The following PRKCE variants were observed in gnomAD, a reference collection of about 807,000 sequenced individuals.
PRKCE encodes the protein protein kinase C epsilon type.
PRKCE carries 16 observed loss-of-function variants against 85.4 expected under a neutral mutation model. That is an observed-to-expected ratio of 0.19 (90% CI 0.13 to 0.28). The LOEUF (loss-of-function observed/expected upper bound fraction) is 0.28, where lower values mean the gene tolerates loss of function less well. Ranked by LOEUF, PRKCE falls within the 10% of genes least tolerant of loss-of-function variation. The pLI, the probability that PRKCE is intolerant of heterozygous loss-of-function variation, is 1.00. For synonymous variants in PRKCE, 388 were observed against 371.5 expected, an observed-to-expected ratio of 1.04 and a Z score of -0.51; for missense variants, 573 against 975.2, an observed-to-expected ratio of 0.59 and a Z score of 5.49.
chr2:46,072,749 T>C (rs898974747), intron 10 of PRKCE, among the ~76,000 whole-genome samples: 1 of 152,136 alleles, frequency 6.6e-6, no homozygotes, highest in African/African-American at 2.4e-5. Flanking sequence ...GGGAACTCCA[T>C]GAGATACCTC....
intron 14 of PRKCE, among the ~76,000 whole-genome samples, chr2:46,177,305 G>T (rs570732450): frequency 7.5e-4 from 114 of 152,238 alleles, no homozygotes; most frequent in Non-Finnish European, 1.3e-3. Flanking sequence ...AAATAAGATT[G>T]GAGTTTGTAT....
intron 1 of PRKCE, among the ~76,000 whole-genome samples, chr2:45,718,594 G>A (rs1680353053): frequency 6.6e-6 from 1 of 151,868 alleles, no homozygotes; most frequent in South Asian, 2.1e-4. Flanking sequence ...GGCCCACCTC[G>A]GCCTCCCAAA....
At position 45,919,020 on chromosome 2, in the gene PRKCE, G is replaced by GA. The variant is rs371585201; in HGVS notation, c.413-57408dup. Among the ~76,000 whole-genome samples, 200 of 152,330 alleles carry GA rather than the reference G, an allele frequency of 1.3e-3. 1 individual carries two copies. The highest frequency in any genetic ancestry group is 1.7e-3 in the Non-Finnish European group (115 of 68,026). Reference sequence around the variant, plus strand: ...CAGCTGGGATGGACAGCCACCTGGAGAGGGTGTCAGAACAGTTAGGCTGGA... The same window carrying GA: ...CAGCTGGGATGGACAGCCACCTGGAGAAGGGTGTCAGAACAGTTAGGCTGGA... On this transcript the variant is annotated intron_variant, in intron 2 of 14. Coordinates refer to ENST00000306156, the MANE Select transcript of PRKCE (RefSeq NM_005400.3).
At chr2:45,751,904 G>A (rs938457691) in intron 1 of PRKCE, among the ~76,000 whole-genome samples, 8 of 129,420 alleles carry the variant, frequency 6.2e-5, no homozygotes, top group Non-Finnish European at 1.2e-4. Context: ...TGCAAGCTCC[G>A]CCTCCCGGGT....
intron 2 of PRKCE, among the ~76,000 whole-genome samples, chr2:45,875,076 C>T (rs1694373401): frequency 6.6e-6 from 1 of 152,132 alleles, no homozygotes; most frequent in South Asian, 2.1e-4. Context: ...CAGGTGCCTC[C>T]AGTCTCCACA....
intron 2 of PRKCE, among the ~76,000 whole-genome samples, chr2:45,882,156 A>G (rs957903330): frequency 1.4e-4 from 22 of 152,188 alleles, no homozygotes; most frequent in Non-Finnish European, 1.5e-5. Context: ...TTTCCTTCCG[A>G]TATCATGATG....
intron 10 of PRKCE, among the ~76,000 whole-genome samples, chr2:46,052,823 G>C (rs1376283949): frequency 6.6e-6 from 1 of 152,180 alleles, no homozygotes. Flanking sequence ...CAACAGAACA[G>C]AGTTGAGAGT....
intron 10 of PRKCE, among the ~76,000 whole-genome samples, chr2:46,085,443 G>A (rs572544793): frequency 1.7e-4 from 26 of 152,320 alleles, no homozygotes; most frequent in African/African-American, 4.6e-4. Flanking sequence ...AGTTCTGGAA[G>A]CCAAGAGTCT....
intron 1 of PRKCE, among the ~76,000 whole-genome samples, chr2:45,838,012 C>T (rs1256188172): frequency 6.6e-6 from 1 of 152,168 alleles, no homozygotes; most frequent in African/African-American, 2.4e-5. Context: ...TCTAAGATTG[C>T]CTTTTTAGGG....
chr2:45,929,809 A>G (rs1698901326), intron 2 of PRKCE, among the ~76,000 whole-genome samples: 1 of 149,824 alleles, frequency 6.7e-6, no homozygotes, highest in African/African-American at 2.5e-5. Context: ...TACCTATGAT[A>G]TGCTCAATCC....
chr2:45,941,863 G>C (rs1207400790), intron 2 of PRKCE, among the ~76,000 whole-genome samples: 1 of 152,144 alleles, frequency 6.6e-6, no homozygotes, highest in Non-Finnish European at 1.5e-5. Context: ...TAATTATGGG[G>C]GAGGGGGAGG....
chr2:45,679,473 A>G (rs1046710322), intron 1 of PRKCE, among the ~76,000 whole-genome samples: 5 of 152,200 alleles, frequency 3.3e-5, no homozygotes, highest in Admixed American at 6.5e-5. Context: ...AACAGGGAAA[A>G]TAAAGTCCAT....
intron 10 of PRKCE, chr2:46,074,022 CCT>C (rs2103764399): frequency 6.6e-6 from 1 of 152,120 alleles, no homozygotes; most frequent in Admixed American, 6.5e-5. Flanking sequence ...GCTTTTTTTC[CCT>C]CTCTTTGTGT....
intron 3 of PRKCE, chr2:45,978,668 G>T: frequency 3.1e-6 from 1 of 318,518 alleles, no homozygotes; most frequent in Non-Finnish European, 5.8e-6. Context: ...ATGCCTACCA[G>T]GAGCAAGCAG....
At chr2:45,693,430 G>A (rs1016755512) in intron 1 of PRKCE, among the ~76,000 whole-genome samples, 4 of 152,164 alleles carry the variant, frequency 2.6e-5, no homozygotes, top group Non-Finnish European at 5.9e-5. Context: ...GGTGGCTGAG[G>A]TGACCTGGAG....
intron 1 of PRKCE, among the ~76,000 whole-genome samples, chr2:45,801,504 T>G (rs1343837424): frequency 6.7e-5 from 2 of 30,022 alleles, no homozygotes; most frequent in Non-Finnish European, 1.1e-4. Flanking sequence ...CAGTGAGTGC[T>G]GAGGGTGAGG....
intron 1 of PRKCE, among the ~76,000 whole-genome samples, chr2:45,754,340 C>G (rs541563614): frequency 9.8e-5 from 15 of 152,294 alleles, no homozygotes; most frequent in Admixed American, 7.8e-4. Context: ...GAATATGTAA[C>G]TGTTAGAATA....
chr2:45,955,291 T>A (rs998739249), intron 2 of PRKCE, among the ~76,000 whole-genome samples: 1 of 152,094 alleles, frequency 6.6e-6, no homozygotes. Context: ...GAAGGAGAAC[T>A]GGTATAATGA....
At chr2:45,746,083 T>G (rs1008355027) in intron 1 of PRKCE, among the ~76,000 whole-genome samples, 2 of 152,252 alleles carry the variant, frequency 1.3e-5, no homozygotes, top group African/African-American at 2.4e-5. Flanking sequence ...TATCTGTCTC[T>G]GCTTTCCGAG....
Sources: allele counts gnomAD v4.1 joint callset (sites outside exome capture counted in the v4.1 genomes callset), GRCh38; gene constraint gnomAD v4.1.1; transcripts MANE v1.5; gene names NCBI Gene and HGNC (gene_info 2026-07-23, HGNC 2026-07-21).